The following MYCBP2 variants were observed in gnomAD, a reference collection of about 807,000 sequenced individuals.
The protein encoded by MYCBP2 is MYC binding protein 2.
A neutral mutation model predicts 525.3 loss-of-function variants in MYCBP2; 120 were observed. The ratio of observed to expected loss-of-function variants is 0.23; its 90% CI spans 0.20 to 0.27. MYCBP2 has a LOEUF of 0.27. MYCBP2 is among the 10% of genes least tolerant of loss of function. The pLI, the probability that MYCBP2 is intolerant of heterozygous loss-of-function variation, is 1.00. For synonymous variants in MYCBP2, 1,894 were observed against 1,955.8 expected (o/e 0.97, Z 0.83); for missense variants, 4,149 against 5,657.1 (o/e 0.73, Z 8.55).
intron 1 of MYCBP2, among the ~76,000 whole-genome samples, chr13:77,304,366 G>A (rs1358275499): frequency 6.6e-6 from 1 of 152,166 alleles, no homozygotes; most frequent in Non-Finnish European, 1.5e-5. Context: ...TTAAGTTAAA[G>A]AAGCCAGGCA....
intron 62 of MYCBP2, 55 bp downstream of exon 62, chr13:77,087,429 G>A (rs2044513891): frequency 7.2e-7 from 1 of 1,390,710 alleles, no homozygotes; most frequent in Non-Finnish European, 1.0e-6. Flanking sequence ...CTATTTGAAG[G>A]TATACTACCA....
At chr13:77,313,587 C>T (rs2080538708) in intron 1 of MYCBP2, among the ~76,000 whole-genome samples, 1 of 151,956 alleles carries the variant, frequency 6.6e-6, no homozygotes, top group South Asian at 2.1e-4. Context: ...CACCAAGGTA[C>T]AATCCATTAA....
chr13:77,122,962 A>G (rs1408401133), intron 54 of MYCBP2, among the ~76,000 whole-genome samples: 2 of 152,210 alleles, frequency 1.3e-5, no homozygotes, highest in East Asian at 3.9e-4. Flanking sequence ...CGGAAAAGAT[A>G]GCACTGCTTC....
At chr13:77,191,609 T>C in intron 28 of MYCBP2, 70 bp downstream of exon 28, 5 of 1,542,920 alleles carry the variant, frequency 3.2e-6, no homozygotes, top group Non-Finnish European at 4.4e-6. Flanking sequence ...GAAAGTACTC[T>C]GAATTTTCAA....
At position 77,278,805 on chromosome 13, in the gene MYCBP2, TG is replaced by T; in HGVS notation, c.700del (p.Gln234ArgfsTer16). On this transcript the variant is annotated frameshift_variant, in exon 4 of 83. Coordinates refer to ENST00000544440, the MANE Select transcript of MYCBP2 (RefSeq NM_015057.5). LOFTEE classifies it high-confidence loss of function. The part of the protein sequence containing the change: ...RSLQALLNVL[Q>X]GQQPEGLQSE... ...CTGGAGGCCTTCTGGCTGCTGGCCCTGCAGCACGTTGAGCAGGGCTTGGAGA... is the reference window on the plus strand; with the variant it reads ...CTGGAGGCCTTCTGGCTGCTGGCCCTCAGCACGTTGAGCAGGGCTTGGAGA... 1 of 1,594,870 alleles carries T rather than the reference TG, an allele frequency of 6.3e-7. No individual in the cohort carries two copies. The highest frequency in any genetic ancestry group is 1.1e-5 in the South Asian group (1 of 87,704).
intron 18 of MYCBP2, among the ~76,000 whole-genome samples, chr13:77,228,070 T>C (rs1008861709): frequency 5.3e-5 from 8 of 151,992 alleles, no homozygotes; most frequent in African/African-American, 1.4e-4. Flanking sequence ...TATATATCTG[T>C]ATATGGTATT....
chr13:77,082,965 TCA>T, intron 63 of MYCBP2, 65 bp downstream of exon 63: 1 of 1,456,542 alleles, frequency 6.9e-7, no homozygotes, highest in Admixed American at 2.1e-5. Context: ...TTGGAGCATT[TCA>T]TACTTTGAAT....
intron 70 of MYCBP2, 151 bp downstream of exon 70, chr13:77,068,414 A>AAAAAAAAAAAAAAAAAT: frequency 1.2e-6 from 1 of 844,676 alleles, no homozygotes; most frequent in Non-Finnish European, 1.8e-6. Context: ...ACAGTAAAAA[A>AAAAAAAAAAAAAAAAAT]GGGAGTAAAA....
chr13:77,165,744 T>C (rs994493436), intron 41 of MYCBP2, among the ~76,000 whole-genome samples: 1 of 152,186 alleles, frequency 6.6e-6, no homozygotes, highest in African/African-American at 2.4e-5. Context: ...TCCTCTACCC[T>C]GGAGTGTGGC....
intron 57 of MYCBP2, among the ~76,000 whole-genome samples, chr13:77,096,053 AAG>A (rs2154126386): frequency 6.6e-6 from 1 of 152,262 alleles, no homozygotes; most frequent in South Asian, 2.1e-4. Flanking sequence ...ATTAATAATA[AAG>A]AGTTACACAA....
At chr13:77,052,451 G>C (rs2154056947) in intron 80 of MYCBP2, among the ~76,000 whole-genome samples, 1 of 152,306 alleles carries the variant, frequency 6.6e-6, no homozygotes, top group African/African-American at 2.4e-5. Context: ...CTCTTGCCTT[G>C]GCCTCCCAAA....
In MYCBP2 at chr13:77,267,982, T is replaced by G. The variant is rs1265731349; in HGVS notation, c.1261-45A>C. The G allele has an allele frequency of 2.3e-6, 3 of 1,324,872 alleles. No homozygotes were observed. The Admixed American group carries it at 5.2e-5, about 23-fold the overall frequency. 82.1% of individuals were successfully genotyped at this position (1,324,872 alleles called of 1,614,324 possible). On this transcript the variant is annotated intron_variant, in intron 7 of 82. Transcript: ENST00000544440. ...TTCCTGTTAAAATATTTATTACTAA[T>G]TCAGCAGAAACAGCAGCCATACAGC...
At chr13:77,227,549 G>A (rs1007528699) in intron 18 of MYCBP2, among the ~76,000 whole-genome samples, 1 of 150,496 alleles carries the variant, frequency 6.6e-6, no homozygotes, top group Non-Finnish European at 1.5e-5. Context: ...TATTTAATAA[G>A]ACGCCAGATG....
At chr13:77,080,696 C>G (rs2043149509) in intron 65 of MYCBP2, 1 of 152,224 alleles carries the variant, frequency 6.6e-6, no homozygotes, top group Non-Finnish European at 1.5e-5. Flanking sequence ...AATCCTAGCA[C>G]TTTGGGAGGC....
chr13:77,251,073 A>C (rs73223422), intron 15 of MYCBP2, 78 bp downstream of exon 15: 29,080 of 1,307,440 alleles, frequency 0.022, 468 homozygotes, highest in East Asian at 0.053. Flanking sequence ...AAATATTAAT[A>C]GTAGAGTATA....
intron 55 of MYCBP2, 125 bp from the exon 56 acceptor site, chr13:77,099,138 A>G: frequency 8.2e-7 from 1 of 1,226,912 alleles, no homozygotes; most frequent in African/African-American, 1.5e-5. Context: ...ACATACTAAA[A>G]TACTTGAAGA....
intron 24 of MYCBP2, among the ~76,000 whole-genome samples, chr13:77,206,277 CAG>C (rs1010920225): frequency 8.0e-5 from 12 of 150,778 alleles, no homozygotes; most frequent in African/African-American, 2.9e-4. Flanking sequence ...TAAGAAGAAA[CAG>C]AAGATGTATA....
At chr13:77,174,592 A>G (rs569837593) in intron 36 of MYCBP2, 103 bp from the exon 37 acceptor site, 2 of 800,142 alleles carry the variant, frequency 2.5e-6, no homozygotes, top group South Asian at 2.0e-5. Context: ...ATTCTTTGTC[A>G]TATTTACAGA....
chr13:77,149,272 T>C (rs1345226727), intron 47 of MYCBP2, among the ~76,000 whole-genome samples: 1 of 152,122 alleles, frequency 6.6e-6, no homozygotes, highest in Admixed American at 6.6e-5. Context: ...ACCTTGTAAA[T>C]CAGTATTTCT....
Sources: allele counts gnomAD v4.1 joint callset (sites outside exome capture counted in the v4.1 genomes callset), GRCh38; gene constraint gnomAD v4.1.1; transcripts MANE v1.5; gene names NCBI Gene and HGNC (gene_info 2026-07-23, HGNC 2026-07-21).